BICC1: variants seen among roughly 807,000 people sequenced by gnomAD.
BICC1 encodes the protein protein bicaudal C homolog 1.
A neutral mutation model predicts 111.0 loss-of-function variants in BICC1; 43 were observed. The ratio of observed to expected loss-of-function variants is 0.39; its 90% CI spans 0.30 to 0.50. BICC1 has a LOEUF of 0.50. BICC1 is among the 20% of genes least tolerant of loss of function. BICC1 has a pLI of 0.88. For synonymous variants in BICC1, 467 were observed against 434.4 expected, an observed-to-expected ratio of 1.07 and a Z score of -0.93; for missense variants, 1,091 against 1,203.2, an observed-to-expected ratio of 0.91 and a Z score of 1.38.
chr10:58,706,721 C>G (rs1015438782), intron 3 of BICC1, among the ~76,000 whole-genome samples: 1 of 152,148 alleles, frequency 6.6e-6, no homozygotes, highest in Non-Finnish European at 1.5e-5. Flanking sequence ...TTCCCACGCC[C>G]TCTCTCCCCT....
At chr10:58,519,369 C>G (rs1842331583) in intron 1 of BICC1, among the ~76,000 whole-genome samples, 1 of 152,166 alleles carries the variant, frequency 6.6e-6, no homozygotes, top group African/African-American at 2.4e-5. Context: ...AATGTATCTT[C>G]TTTTTCCAGC....
intron 17 of BICC1, among the ~76,000 whole-genome samples, chr10:58,812,965 G>A (rs1843958628): frequency 6.6e-6 from 1 of 152,122 alleles, no homozygotes; most frequent in Non-Finnish European, 1.5e-5. Context: ...TCCTCCAAAG[G>A]ACACAGTGAG....
At chr10:58,800,728 AC>A (rs1843517542) in intron 13 of BICC1, among the ~76,000 whole-genome samples, 161 bp from the exon 14 acceptor site, 1 of 152,212 alleles carries the variant, frequency 6.6e-6, no homozygotes, top group Non-Finnish European at 1.5e-5. Context: ...TTTTGTGACA[AC>A]CTGAACTTGT....
At chr10:58,557,311 G>T (rs187878714) in intron 1 of BICC1, among the ~76,000 whole-genome samples, 6 of 148,252 alleles carry the variant, frequency 4.0e-5, no homozygotes, top group Admixed American at 2.7e-4. Context: ...CTTTAACATT[G>T]GTTTTAAGCA....
rs1422899079 is a variant in BICC1 at position 58,512,963 on chromosome 10, C to T, written c.-181C>T. Among the ~76,000 whole-genome samples, 3 of 147,598 alleles carry T rather than the reference C, an allele frequency of 2.0e-5. No homozygotes were observed. Among genetic ancestry groups the T allele is most frequent in the South Asian group, 2.1e-4 (1 of 4,826 alleles). ...GGGTGGCGGGTGGCGTGGGCGGCGCCCGGGGCTGGGATGCGCCGGGGGCTC... is the reference window on the plus strand; with the variant it reads ...GGGTGGCGGGTGGCGTGGGCGGCGCTCGGGGCTGGGATGCGCCGGGGGCTC... On this transcript the variant is annotated 5_prime_UTR_variant, in exon 1 of 21. Transcript: ENST00000373886.
intron 13 of BICC1, among the ~76,000 whole-genome samples, chr10:58,800,678 A>G (rs769084926): frequency 2.6e-5 from 4 of 152,072 alleles, no homozygotes; most frequent in Admixed American, 6.6e-5. Flanking sequence ...TGCCCCACCA[A>G]ATCTTTAAAA....
intron 1 of BICC1, among the ~76,000 whole-genome samples, chr10:58,547,674 A>G (rs1449580957): frequency 7.4e-6 from 1 of 134,582 alleles, no homozygotes; most frequent in Non-Finnish European, 1.7e-5. Context: ...GCATGCATGT[A>G]TGTATGTCAG....
intron 3 of BICC1, chr10:58,716,173 A>G (rs1840733905): frequency 6.7e-7 from 1 of 1,502,030 alleles, no homozygotes; most frequent in East Asian, 2.5e-5. Flanking sequence ...GCGAGCAAAA[A>G]AGAAGAAAAG....
rs562552895 is a variant in BICC1, at chr10:58,656,306, T to C, written c.237+35405T>C. ...CTGGTACCATTCCTTCTGAAACTAT[T>C]CCAATCAATAGAAAAAGAGGGAATC... On this transcript the variant is annotated intron_variant, in intron 2 of 20. Transcript: ENST00000373886. Among the ~76,000 whole-genome samples, 201 of 150,910 alleles carry C rather than the reference T, an allele frequency of 1.3e-3. 1 individual carries two copies. The Middle Eastern group carries it at 0.021, about 16-fold the overall frequency.
At chr10:58,593,208 A>C (rs1844692964) in intron 1 of BICC1, among the ~76,000 whole-genome samples, 1 of 152,150 alleles carries the variant, frequency 6.6e-6, no homozygotes, top group African/African-American at 2.4e-5. Context: ...TTCTCTGGGC[A>C]GGGCATCTCT....
chr10:58,687,510 G>C (rs886100448), intron 2 of BICC1, among the ~76,000 whole-genome samples: 1 of 152,196 alleles, frequency 6.6e-6, no homozygotes, highest in African/African-American at 2.4e-5. Flanking sequence ...AGCTGAGGTG[G>C]GCTCCACCCA....
intron 1 of BICC1, among the ~76,000 whole-genome samples, chr10:58,563,363 T>C (rs1843664443): frequency 2.0e-5 from 3 of 152,252 alleles, no homozygotes; most frequent in African/African-American, 7.2e-5. Context: ...CTCCGCTTAG[T>C]CCTCTGTGAG....
rs896688017 is a variant in BICC1 at position 58,515,733 on chromosome 10, A to G, written c.190+2400A>G. ...GCCTCTCTTTGCCTTCAGTTTGCCCATCTGTAAAATGGAGCTGATACTAGG... is the reference window on the plus strand; with the variant it reads ...GCCTCTCTTTGCCTTCAGTTTGCCCGTCTGTAAAATGGAGCTGATACTAGG... On this transcript the variant is annotated intron_variant, in intron 1 of 20. Coordinates refer to ENST00000373886, the MANE Select transcript of BICC1 (RefSeq NM_001080512.3). Among the ~76,000 whole-genome samples, 5 of 152,182 alleles carry G rather than the reference A, an allele frequency of 3.3e-5. No homozygotes were observed. In the East Asian group the frequency reaches 7.7e-4, roughly 23 times the overall value.
At chr10:58,735,779 A>G (rs1841447550) in intron 3 of BICC1, among the ~76,000 whole-genome samples, 1 of 152,224 alleles carries the variant, frequency 6.6e-6, no homozygotes, top group African/African-American at 2.4e-5. Context: ...AAAGATATTT[A>G]CTAAATTGTA....
chr10:58,515,504 A>G (rs1842219419), intron 1 of BICC1, among the ~76,000 whole-genome samples: 2 of 152,208 alleles, frequency 1.3e-5, no homozygotes, highest in South Asian at 4.1e-4. Context: ...TTGTGTATCT[A>G]AATATATCTA....
intron 2 of BICC1, among the ~76,000 whole-genome samples, chr10:58,697,921 C>A (rs188785936): frequency 8.9e-4 from 136 of 152,198 alleles, no homozygotes; most frequent in Non-Finnish European, 1.4e-3. Context: ...CTTCCTCCCC[C>A]ACCTCCCACC....
chr10:58,635,994 A>G (rs998760299), intron 2 of BICC1, among the ~76,000 whole-genome samples: 4 of 152,134 alleles, frequency 2.6e-5, no homozygotes, highest in African/African-American at 7.2e-5. Flanking sequence ...TAGAAAGTCA[A>G]TTTTCTTGTT....
rs140054907 is a variant in BICC1 at position 58,826,479 on chromosome 10, C to T, written c.2795-2282C>T. Among the ~76,000 whole-genome samples, 10 of 149,036 alleles carry T rather than the reference C, an allele frequency of 6.7e-5. No homozygotes were observed. In the South Asian group the frequency reaches 1.3e-3, roughly 19 times the overall value. On this transcript the variant is annotated intron_variant, in intron 20 of 20. Coordinates refer to ENST00000373886, the MANE Select transcript of BICC1 (RefSeq NM_001080512.3). ...AGTAAGAAAGAAAGGAGGCCGGGTG[C>T]GGTGGCTCATGCCTGTAATCCCAGC...
chr10:58,536,230 A>G (rs1320911679), intron 1 of BICC1, among the ~76,000 whole-genome samples: 2 of 151,730 alleles, frequency 1.3e-5, no homozygotes, highest in African/African-American at 4.8e-5. Context: ...AGAGATATTT[A>G]CAGAACATTC....
Sources: gnomAD v4.1 joint callset for allele counts (sites outside exome capture counted in the v4.1 genomes callset) on GRCh38, gnomAD v4.1.1 for gene constraint, MANE v1.5 for transcripts, NCBI Gene and HGNC (gene_info 2026-07-23, HGNC 2026-07-21) for gene names.